Variants in GLI2 observed in about 807,000 individuals in gnomAD.
GLI2 encodes the protein transcription activator GLI2.
Under a neutral mutation model 78.9 loss-of-function variants are expected in GLI2, and 22 were observed. The ratio of observed to expected loss-of-function variants is 0.28; its 90% confidence interval spans 0.20 to 0.40. The LOEUF (loss-of-function observed/expected upper bound fraction) is 0.40. GLI2 is among the 10% of genes least tolerant of loss of function. GLI2 has a pLI of 1.00. For missense variants in GLI2, 2,097 were observed against 2,213.2 expected, an observed-to-expected ratio of 0.95 and a Z score of 1.05; for synonymous variants, 974 against 963.7, an observed-to-expected ratio of 1.01 and a Z score of -0.20.
chr2:120,740,953 T>A (rs1161571292), intron 1 of GLI2, among the ~76,000 whole-genome samples: 2 of 152,296 alleles, frequency 1.3e-5, no homozygotes, highest in East Asian at 3.9e-4. Flanking sequence ...GGCGCAGCCC[T>A]GCACTCCTGT....
At chr2:120,797,013 C>T (rs1368369181) in intron 1 of GLI2, among the ~76,000 whole-genome samples, 1 of 152,176 alleles carries the variant, frequency 6.6e-6, no homozygotes, top group Non-Finnish European at 1.5e-5. Context: ...TCAGAGGCTA[C>T]CCGCCACTCA....
intron 2 of GLI2, among the ~76,000 whole-genome samples, chr2:120,923,116 C>T (rs1044674987): frequency 3.5e-5 from 5 of 141,678 alleles, no homozygotes; most frequent in African/African-American, 1.3e-4. Context: ...TATGCACATA[C>T]ACACAGCAAC....
At chr2:120,971,860 C>G in intron 7 of GLI2, 81 bp from the exon 8 acceptor site, 2 of 1,218,342 alleles carry the variant, frequency 1.6e-6, no homozygotes, top group Non-Finnish European at 2.4e-6. Flanking sequence ...GCGGAGAGAT[C>G]CTAGAGTTAA....
rs778467271 is a variant in GLI2, at chr2:120,951,352, G to A, written c.364G>A (p.Val122Met). The A allele has an allele frequency of 3.2e-5, 51 of 1,596,892 alleles. No individual in the cohort carries two copies. The highest frequency in any genetic ancestry group is 1.9e-4 in the South Asian group (17 of 90,758). ...CCCCTTCAACGCCCCCCACCCGTAC[G>A]TGAACCCCCACATGGAGCACTACCT... ...ESPFNAPHPYVNPHMEHYLRS... is the reference protein window; with the variant it reads ...ESPFNAPHPYMNPHMEHYLRS... Residue 122 changes from valine (V) to methionine (M), a missense_variant, in exon 4 of 14, where the codon GTG becomes ATG. Around this residue, in one of 5 missense-constraint regions of GLI2, gnomAD observed 578 missense variants for 612.0 expected, o/e 0.94. Transcript: ENST00000361492.
intron 1 of GLI2, among the ~76,000 whole-genome samples, chr2:120,777,308 A>G (rs968745036): frequency 6.6e-6 from 1 of 151,486 alleles, no homozygotes; most frequent in Non-Finnish European, 1.5e-5. Flanking sequence ...GTCCAAGGAG[A>G]TGTGTGAGAA....
At chr2:120,840,565 G>A (rs1218745317) in intron 2 of GLI2, among the ~76,000 whole-genome samples, 1 of 152,148 alleles carries the variant, frequency 6.6e-6, no homozygotes, top group Non-Finnish European at 1.5e-5. Context: ...GATCAATTTT[G>A]TATTCTTTTG....
intron 1 of GLI2, among the ~76,000 whole-genome samples, chr2:120,745,680 T>C (rs1682674135): frequency 6.6e-6 from 1 of 152,200 alleles, no homozygotes; most frequent in African/African-American, 2.4e-5. Context: ...CTTCATTTGC[T>C]TGATGCTAAT....
At chr2:120,824,477 T>G (rs562655203) in intron 2 of GLI2, among the ~76,000 whole-genome samples, 1 of 152,308 alleles carries the variant, frequency 6.6e-6, no homozygotes, top group African/African-American at 2.4e-5. Flanking sequence ...GAGCTTTGGC[T>G]CTTACGTTCA....
At chr2:120,851,870 G>A (rs561931277) in intron 2 of GLI2, among the ~76,000 whole-genome samples, 87 of 152,342 alleles carry the variant, frequency 5.7e-4, no homozygotes, top group African/African-American at 2.0e-3. Context: ...GCCCCCCACT[G>A]GGTACTGGGG....
chr2:120,773,107 G>A (rs1038428459), intron 1 of GLI2, among the ~76,000 whole-genome samples: 1 of 152,176 alleles, frequency 6.6e-6, no homozygotes, highest in Non-Finnish European at 1.5e-5. Flanking sequence ...GACAGTATGT[G>A]CTTTCCTGTG....
At chr2:120,855,783 G>A (rs1376986918) in intron 2 of GLI2, among the ~76,000 whole-genome samples, 1 of 152,176 alleles carries the variant, frequency 6.6e-6, no homozygotes, top group East Asian at 1.9e-4. Flanking sequence ...TGATGTGATG[G>A]GCCTGAGGTC....
At chr2:120,819,380 C>T (rs1217033889) in intron 2 of GLI2, among the ~76,000 whole-genome samples, 1 of 151,284 alleles carries the variant, frequency 6.6e-6, no homozygotes, top group Non-Finnish European at 1.5e-5. Flanking sequence ...GCTGAGATTA[C>T]AGGCGTCTGC....
At chr2:120,798,270 C>T (rs1321619626) in intron 2 of GLI2, among the ~76,000 whole-genome samples, 5 of 152,348 alleles carry the variant, frequency 3.3e-5, no homozygotes, top group Admixed American at 2.0e-4. Context: ...GCTTGGGCAG[C>T]GCCCCTCACA....
At chr2:120,782,002 G>A (rs2104671488) in intron 1 of GLI2, among the ~76,000 whole-genome samples, 1 of 152,136 alleles carries the variant, frequency 6.6e-6, no homozygotes. Flanking sequence ...CCTAGTTGCA[G>A]TTATAGTGTG....
intron 1 of GLI2, among the ~76,000 whole-genome samples, chr2:120,758,067 G>T (rs774268417): frequency 1.1e-4 from 16 of 152,192 alleles, no homozygotes; most frequent in Non-Finnish European, 1.5e-4. Context: ...ACCCTGATGT[G>T]TTTAAGACCT....
At chr2:120,912,562 AG>A (rs1372805817) in intron 2 of GLI2, among the ~76,000 whole-genome samples, 1 of 151,760 alleles carries the variant, frequency 6.6e-6, no homozygotes, top group African/African-American at 2.4e-5. Flanking sequence ...GAGAGTGGGG[AG>A]GGTGGTGGGA....
intron 2 of GLI2, among the ~76,000 whole-genome samples, chr2:120,802,290 G>GAGCTGGACCA (rs1684743881): frequency 1.3e-5 from 2 of 152,188 alleles, no homozygotes; most frequent in Admixed American, 1.3e-4. Context: ...GGGCTGGACC[G>GAGCTGGACCA]AGCTGGACCA....
rs560512764 is a variant in GLI2, at chr2:120,754,320, T to A, written c.-31+18035T>A. ...ACTATGTTTCAGCGGAGTTTTTTTT[T>A]AAAAATGTACAGTTTGATAAAGTTT... On this transcript the variant is annotated intron_variant, in intron 1 of 13. Coordinates refer to ENST00000361492, the MANE Select transcript of GLI2 (RefSeq NM_001374353.1). Among the ~76,000 whole-genome samples, 82 of 152,222 alleles carry A rather than the reference T, an allele frequency of 5.4e-4. 1 individual carries two copies. Among genetic ancestry groups the A allele is most frequent in the South Asian group, 8.3e-4 (4 of 4,814 alleles).
At chr2:120,843,956 C>T (rs550679049) in intron 2 of GLI2, among the ~76,000 whole-genome samples, 5 of 152,274 alleles carry the variant, frequency 3.3e-5, no homozygotes, top group East Asian at 3.9e-4. Context: ...CGTGAGACAC[C>T]GTGCCTGTCC....
Sources: allele counts gnomAD v4.1 joint callset (sites outside exome capture counted in the v4.1 genomes callset), GRCh38; gene constraint gnomAD v4.1.1; regional missense constraint gnomAD v4.1.1; transcripts MANE v1.5; gene names NCBI Gene and HGNC (gene_info 2026-07-23, HGNC 2026-07-21).